OVCH1: variants seen among roughly 807,000 people sequenced by gnomAD.
OVCH1 encodes ovochymase-1.
Under a neutral mutation model 138.4 loss-of-function variants are expected in OVCH1, and 139 were observed. The ratio of observed to expected loss-of-function variants is 1.00; its 90% confidence interval spans 0.87 to 1.16. The LOEUF (loss-of-function observed/expected upper bound fraction) is 1.16, where lower values mean the gene tolerates loss of function less well. Ranked by LOEUF, OVCH1 falls within the 50% of genes most tolerant of loss-of-function variation. The pLI, the probability that OVCH1 is intolerant of heterozygous loss-of-function variation, is 0.00. For missense variants in OVCH1, 1,367 were observed against 1,357.9 expected (o/e 1.01, Z -0.11); for synonymous variants, 453 against 467.8 (o/e 0.97, Z 0.41).
intron 26 of OVCH1, among the ~76,000 whole-genome samples, chr12:29,435,124 A>G (rs1012698683): frequency 2.6e-5 from 4 of 152,214 alleles, no homozygotes; most frequent in African/African-American, 9.6e-5. Flanking sequence ...GGCCAAATTT[A>G]TAACAGGCAA....
intron 2 of OVCH1, 133 bp from the exon 3 acceptor site, chr12:29,496,411 A>T: frequency 1.8e-6 from 2 of 1,137,074 alleles, no homozygotes. Context: ...GGATAGTAAG[A>T]TAGTTCCTAC....
intron 17 of OVCH1, 61 bp from the exon 18 acceptor site, chr12:29,464,763 C>G: frequency 7.1e-7 from 1 of 1,417,044 alleles, no homozygotes; most frequent in Non-Finnish European, 9.8e-7. Flanking sequence ...CAGCAACTTC[C>G]TTGTTGATGG....
intron 25 of OVCH1, among the ~76,000 whole-genome samples, chr12:29,441,992 G>A (rs1284338530): frequency 1.3e-5 from 2 of 151,794 alleles, no homozygotes; most frequent in African/African-American, 2.4e-5. Flanking sequence ...GAGAGGATGT[G>A]GAGAAATAGG....
chr12:29,471,805 T>C (rs1355321129), exon 16 of OVCH1: 1 of 1,608,854 alleles, frequency 6.2e-7, no homozygotes, highest in Non-Finnish European at 8.5e-7. Flanking sequence ...CACTCACAAT[T>C]GCACACAGTG....
intron 4 of OVCH1, 31 bp downstream of exon 4, chr12:29,495,254 C>T: frequency 6.3e-7 from 1 of 1,579,450 alleles, no homozygotes; most frequent in East Asian, 2.3e-5. Flanking sequence ...TCCTCCACTG[C>T]ATTTTTAATA....
At chr12:29,420,987 G>A (rs1941096105) in intron 3 of OVCH1, among the ~76,000 whole-genome samples, 1 of 152,226 alleles carries the variant, frequency 6.6e-6, no homozygotes, top group South Asian at 2.1e-4. Context: ...CACCCATTGT[G>A]AGCCCTTGAA....
intron 4 of OVCH1, among the ~76,000 whole-genome samples, chr12:29,491,473 G>C (rs1352989200): frequency 6.6e-6 from 1 of 152,178 alleles, no homozygotes; most frequent in Non-Finnish European, 1.5e-5. Context: ...TGTTTTGAAA[G>C]GGTAGTTTTT....
chr12:29,411,140 T>C (rs1208412830), downstream of OVCH1, among the ~76,000 whole-genome samples: 1 of 98,220 alleles, frequency 1.0e-5, no homozygotes, highest in Non-Finnish European at 2.7e-5. Context: ...TTCTCGAGCC[T>C]TGGCTTTCAG....
At chr12:29,402,824 A>G in the OVCH1 span, among the ~76,000 whole-genome samples, 1 of 152,096 alleles carries the variant, frequency 6.6e-6, no homozygotes, top group Non-Finnish European at 1.5e-5. Flanking sequence ...GAGGTGGGGA[A>G]GAGAGAGAAA....
At chr12:29,492,974 G>T (rs894976430) in intron 4 of OVCH1, among the ~76,000 whole-genome samples, 1 of 152,154 alleles carries the variant, frequency 6.6e-6, no homozygotes, top group South Asian at 2.1e-4. Context: ...TGGGAATTGC[G>T]AAGTTACTTT....
intron 4 of OVCH1, among the ~76,000 whole-genome samples, chr12:29,493,679 C>T (rs930621194): frequency 1.3e-5 from 2 of 152,072 alleles, no homozygotes; most frequent in Non-Finnish European, 2.9e-5. Context: ...TCATGTTTTA[C>T]TGGCTTATTT....
downstream of OVCH1, among the ~76,000 whole-genome samples, chr12:29,425,147 G>A (rs142690170): frequency 6.6e-6 from 1 of 152,290 alleles, no homozygotes; most frequent in Admixed American, 6.5e-5. Flanking sequence ...TATGTGGCTA[G>A]GAAGTTCCAC....
At chr12:29,488,166 T>G (rs2136077370) in intron 6 of OVCH1, among the ~76,000 whole-genome samples, 1 of 152,184 alleles carries the variant, frequency 6.6e-6, no homozygotes, top group Admixed American at 6.5e-5. Flanking sequence ...AACTACCATG[T>G]ACATTCTAAA....
intron 8 of OVCH1, among the ~76,000 whole-genome samples, chr12:29,482,195 C>G (rs566890128): frequency 6.6e-6 from 1 of 152,312 alleles, no homozygotes; most frequent in East Asian, 1.9e-4. Context: ...CACATTGCCC[C>G]TCTCCAGCCA....
At chr12:29,467,118 G>T (rs1030934788) in intron 16 of OVCH1, among the ~76,000 whole-genome samples, 2 of 152,036 alleles carry the variant, frequency 1.3e-5, no homozygotes, top group African/African-American at 2.4e-5. Flanking sequence ...ACTCCATAAT[G>T]GTAGCCATTA....
At chr12:29,449,050 A>G (rs1941698243) in intron 22 of OVCH1, among the ~76,000 whole-genome samples, 2 of 152,186 alleles carry the variant, frequency 1.3e-5, no homozygotes, top group South Asian at 4.1e-4. Flanking sequence ...TTCTCTGTAC[A>G]TGAAATTAAA....
intron 26 of OVCH1, among the ~76,000 whole-genome samples, chr12:29,439,101 C>T (rs1055529974): frequency 1.1e-4 from 17 of 152,310 alleles, no homozygotes; most frequent in Non-Finnish European, 2.2e-4. Context: ...CCAGAGATGG[C>T]ACCAGAAGAA....
intron 4 of OVCH1, among the ~76,000 whole-genome samples, chr12:29,494,690 G>A (rs550631599): frequency 6.6e-6 from 1 of 152,226 alleles, no homozygotes; most frequent in Admixed American, 6.5e-5. Flanking sequence ...ACTGAACATG[G>A]ATATTAAGTG....
In OVCH1 at chr12:29,496,712, C is replaced by T. The variant is rs542630058; in HGVS notation, c.65-38G>A. 2.1e-6 allele frequency: 3 copies of T among 1,460,996 alleles called. No individual in the cohort carries two copies. The South Asian group carries it at 3.7e-5, about 18-fold the overall frequency. The allele number at this position is 1,460,996 out of a possible 1,614,324, so 90.5% of individuals were successfully genotyped here. A position where few individuals can be genotyped will look rare whatever the true frequency, so the allele number is the denominator to read the frequency against. On this transcript the variant is annotated intron_variant, in intron 1 of 27. Transcript: ENST00000318184. The stretch of plus-strand genomic sequence containing the variant: ...GCATGTGTGTGTGCACACACAGAGC[C>T]TTATGTAAGAGTTCACTTTACCAAG...
Sources: allele counts gnomAD v4.1 joint callset (sites outside exome capture counted in the v4.1 genomes callset), GRCh38; gene constraint gnomAD v4.1.1; transcripts MANE v1.5; gene names NCBI Gene and HGNC (gene_info 2026-07-23, HGNC 2026-07-21).